TGFBR2: variants seen among roughly 807,000 people sequenced by gnomAD.
The protein encoded by TGFBR2 is TGF-beta receptor type-2.
In TGFBR2, 18 loss-of-function variants were observed where a neutral mutation model predicts 49.0. The observed-to-expected ratio is 0.37, with a 90% CI of 0.25 to 0.54. The LOEUF (loss-of-function observed/expected upper bound fraction) is 0.54. Ranked by LOEUF, TGFBR2 falls within the 20% of genes least tolerant of loss-of-function variation. The probability of loss-of-function intolerance (pLI) is 0.85; values close to 1 mark genes in which losing one functional copy is unlikely to be tolerated. For synonymous variants in TGFBR2, 282 were observed against 275.9 expected, an observed-to-expected ratio of 1.02 and a Z score of -0.22; for missense variants, 525 against 722.6, an observed-to-expected ratio of 0.73 and a Z score of 3.13.
At position 30,650,454 on chromosome 3, in the gene TGFBR2, T is replaced by C. The variant is rs1346274891; in HGVS notation, c.448T>C (p.Ser150Pro). 6.8e-6 allele frequency: 11 copies of C among 1,613,918 alleles called. No individual in the cohort carries two copies. Among genetic ancestry groups the C allele is most frequent in the Non-Finnish European group, 9.3e-6 (11 of 1,179,932 alleles). ...SDECNDNIIF[S>P]EEYNTSNPDL... ...TGAGTGCAATGACAACATCATCTTC[T>C]CAGAAGGTGAGTTTTCTTCTCTTAA... is the stretch of plus-strand genomic sequence containing the variant. Residue 150 changes from serine (S) to proline (P), a missense_variant, in exon 3 of 7, where the codon TCA becomes CCA. By Grantham distance (74) the Ser-to-Pro change is moderately conservative. This residue lies in a region of TGFBR2 where 376 missense variants were observed against 478.2 expected (regional missense o/e 0.79). Transcript: ENST00000295754.
At position 30,692,542 on chromosome 3, in the gene TGFBR2, T is replaced by G. The variant is rs942868862; in HGVS notation, c.*943T>G. 2 of 233,036 alleles carry G rather than the reference T, an allele frequency of 8.6e-6. No individual in the cohort carries two copies. The highest frequency in any genetic ancestry group is 1.7e-5 in the Non-Finnish European group (2 of 117,890). 14.4% of individuals were successfully genotyped at this position (233,036 alleles called of 1,614,324 possible). A position where few individuals can be genotyped will look rare whatever the true frequency, so the allele number is the denominator to read the frequency against. ...ATGTTACTATTCTCTGCTCCCAGCC[T>G]TCATCCTTTTCTAAAAAGGAGCAAA... is the stretch of plus-strand genomic sequence containing the variant. On this transcript the variant is annotated 3_prime_UTR_variant, in exon 7 of 7. Transcript: ENST00000295754.
chr3:30,644,111 C>G (rs1698687679), intron 1 of TGFBR2, among the ~76,000 whole-genome samples: 1 of 152,160 alleles, frequency 6.6e-6, no homozygotes, highest in Non-Finnish European at 1.5e-5. Context: ...ATTGATTTGC[C>G]TCAAACACAG....
At chr3:30,638,354 C>A (rs1698580935) in intron 1 of TGFBR2, among the ~76,000 whole-genome samples, 1 of 152,074 alleles carries the variant, frequency 6.6e-6, no homozygotes, top group African/African-American at 2.4e-5. Context: ...ATTATTACTA[C>A]AAAAATATTT....
intron 2 of TGFBR2, 69 bp downstream of exon 2, chr3:30,644,984 ACAGT>A (rs1698704860): frequency 1.4e-6 from 2 of 1,392,368 alleles, no homozygotes; most frequent in Admixed American, 1.7e-5. Flanking sequence ...CATAGTACAC[ACAGT>A]CAGTGTATCT....
At chr3:30,673,603 G>T (rs76509761) in intron 4 of TGFBR2, among the ~76,000 whole-genome samples, 3,381 of 152,206 alleles carry the variant, frequency 0.022, 127 homozygotes, top group African/African-American at 0.078. Context: ...TTATGCAATT[G>T]TACTATATCC....
chr3:30,686,425 T>C (rs1699623948), intron 5 of TGFBR2, among the ~76,000 whole-genome samples: 1 of 152,194 alleles, frequency 6.6e-6, no homozygotes, highest in Non-Finnish European at 1.5e-5. Flanking sequence ...TTTGTCTTAA[T>C]GTGATGGGAG....
At chr3:30,670,569 T>C (rs1699319313) in intron 3 of TGFBR2, among the ~76,000 whole-genome samples, 1 of 152,246 alleles carries the variant, frequency 6.6e-6, no homozygotes, top group Admixed American at 6.5e-5. Flanking sequence ...TAGAGCTGCC[T>C]TTTGCTCTCT....
At chr3:30,682,099 G>T (rs1453968508) in intron 5 of TGFBR2, among the ~76,000 whole-genome samples, 1 of 152,204 alleles carries the variant, frequency 6.6e-6, no homozygotes, top group Non-Finnish European at 1.5e-5. Flanking sequence ...GTTCACTCCA[G>T]CCCTTCTGCC....
chr3:30,682,096 C>G (rs1317660379), intron 5 of TGFBR2, among the ~76,000 whole-genome samples: 1 of 152,192 alleles, frequency 6.6e-6, no homozygotes, highest in Non-Finnish European at 1.5e-5. Flanking sequence ...AGGGTTCACT[C>G]CAGCCCTTCT....
At chr3:30,607,965 G>T (rs1367115317) in intron 1 of TGFBR2, among the ~76,000 whole-genome samples, 1 of 148,456 alleles carries the variant, frequency 6.7e-6, no homozygotes, top group Non-Finnish European at 1.5e-5. Flanking sequence ...TTTTGGAGAC[G>T]GAGTCTCGCT....
At position 30,688,495 on chromosome 3, in the gene TGFBR2, T is replaced by C; in HGVS notation, c.1508T>C (p.Phe503Ser). ...CGAGGGCGACCAGAAATTCCCAGCTTCTGGCTCAACCACCAGGTAAGGAGT... is the reference window on the plus strand; with the variant it reads ...CGAGGGCGACCAGAAATTCCCAGCTCCTGGCTCAACCACCAGGTAAGGAGT... Reference protein sequence around the residue: ...RDRGRPEIPSFWLNHQGIQMV... With the variant: ...RDRGRPEIPSSWLNHQGIQMV... The change falls in exon 6 of 7, where the codon TTC becomes TCC. Residue 503 changes from phenylalanine (F) to serine (S), a missense_variant. Phe to Ser is a radical substitution (Grantham distance 155). Around this residue, in one of 3 missense-constraint regions of TGFBR2, gnomAD observed 104 missense variants for 133.4 expected, o/e 0.78. Transcript: ENST00000295754. The C allele has an allele frequency of 6.2e-7, 1 of 1,614,204 alleles. No individual in the cohort carries two copies. The highest frequency in any genetic ancestry group is 8.5e-7 in the Non-Finnish European group (1 of 1,180,014).
At chr3:30,677,952 A>C (rs1278341140) in intron 5 of TGFBR2, among the ~76,000 whole-genome samples, 2 of 152,252 alleles carry the variant, frequency 1.3e-5, no homozygotes, top group Non-Finnish European at 2.9e-5. Context: ...GGAAGAGGGA[A>C]GGATGTAAAA....
At chr3:30,620,406 C>T (rs1469930421) in intron 1 of TGFBR2, among the ~76,000 whole-genome samples, 1 of 151,892 alleles carries the variant, frequency 6.6e-6, no homozygotes, top group East Asian at 1.9e-4. Context: ...GATGGCTTTT[C>T]ACCACCAAGT....
chr3:30,659,526 G>T (rs1231302031), intron 3 of TGFBR2, among the ~76,000 whole-genome samples: 1 of 151,838 alleles, frequency 6.6e-6, no homozygotes, highest in South Asian at 2.1e-4. Flanking sequence ...AAAGCAACTC[G>T]CTTTTCAAGA....
rs1212491740 is a variant in TGFBR2, at chr3:30,672,026, T to C, written c.843T>C (p.Tyr281=). 2 of 1,614,216 alleles carry C rather than the reference T, an allele frequency of 1.2e-6. No individual in the cohort carries two copies. Among genetic ancestry groups the C allele is most frequent in the Non-Finnish European group, 1.7e-6 (2 of 1,180,032 alleles). ...CAGTGGCAGTCAAGATCTTTCCCTA[T>C]GAGGAGTATGCCTCTTGGAAGACAG... The part of the protein sequence containing the change: ...FETVAVKIFP[Y]EEYASWKTEK... The change falls in exon 4 of 7, where the codon TAT becomes TAC. Residue 281 remains tyrosine, a synonymous_variant. Transcript: ENST00000295754. This position sits in a 1 kb window ranked among gnomAD's most constrained non-coding sequence, Gnocchi z 4.5.
intron 1 of TGFBR2, among the ~76,000 whole-genome samples, chr3:30,615,114 A>G (rs545772382): frequency 1.2e-3 from 179 of 152,322 alleles, no homozygotes; most frequent in Middle Eastern, 3.4e-3. Flanking sequence ...TCATGGAACA[A>G]TTATGCCATC....
At chr3:30,617,947 C>G (rs1476298040) in intron 1 of TGFBR2, among the ~76,000 whole-genome samples, 1 of 152,170 alleles carries the variant, frequency 6.6e-6, no homozygotes, top group Non-Finnish European at 1.5e-5. Context: ...AAATGATCTG[C>G]AGTGGTTTTA....
In TGFBR2 at chr3:30,606,860, C is replaced by T; in HGVS notation, c.-24C>T. On this transcript the variant is annotated 5_prime_UTR_variant, in exon 1 of 7. Coordinates refer to ENST00000295754, the MANE Select transcript of TGFBR2 (RefSeq NM_003242.6). ...CCGTCCGCTGCGCTGGGGGCTCGGT[C>T]TATGACGAGCAGCGGGGTCTGCCAT... 2.7e-6 allele frequency: 4 copies of T among 1,466,110 alleles called. No homozygotes were observed. The East Asian group carries it at 1.1e-4, about 41-fold the overall frequency. The allele number at this position is 1,466,110 out of a possible 1,614,324, so 90.8% of individuals were successfully genotyped here.
At chr3:30,644,456 T>C (rs573601938) in intron 1 of TGFBR2, among the ~76,000 whole-genome samples, 45 of 152,178 alleles carry the variant, frequency 3.0e-4, no homozygotes, top group Non-Finnish European at 6.2e-4. Flanking sequence ...GGTTTCTTTA[T>C]TGAATGATAA....
Sources: gnomAD v4.1 joint callset for allele counts (sites outside exome capture counted in the v4.1 genomes callset) on GRCh38, gnomAD v4.1.1 for gene constraint, gnomAD v4.1.1 regional missense constraint, Gnocchi (gnomAD v3.1) non-coding constraint, MANE v1.5 for transcripts, NCBI Gene and HGNC (gene_info 2026-07-23, HGNC 2026-07-21) for gene names.